BICD2: variants seen among roughly 807,000 people sequenced by gnomAD.
BICD2 encodes BICD cargo adaptor 2, also known as protein bicaudal D homolog 2.
Under a neutral mutation model 72.9 loss-of-function variants are expected in BICD2, and 25 were observed. That is an observed-to-expected ratio of 0.34 (90% confidence interval 0.25 to 0.48). The LOEUF (loss-of-function observed/expected upper bound fraction) is 0.48. Among genes scored for constraint, BICD2 ranks in the 20% least tolerant of loss-of-function variants. The pLI is 0.99. For synonymous variants in BICD2, 501 were observed against 516.1 expected (o/e 0.97, Z 0.40); for missense variants, 894 against 1,175.2 (o/e 0.76, Z 3.50).
At chr9:92,742,456 C>T (rs2131522992) in intron 1 of BICD2, among the ~76,000 whole-genome samples, 1 of 151,198 alleles carries the variant, frequency 6.6e-6, no homozygotes, top group Non-Finnish European at 1.5e-5. Context: ...GCGATCTTGG[C>T]TCACTGCAAG....
rs930777910 is a variant in BICD2 at position 92,723,536 on chromosome 9, G to T, written c.454-728C>A. Among the ~76,000 whole-genome samples the T allele has an allele frequency of 3.9e-5, 6 of 152,298 alleles. No individual in the cohort carries two copies. In the South Asian group the frequency reaches 1.2e-3, roughly 32 times the overall value. ...GCAAATTCATAGAGACACAAAGTAG[G>T]TTAGTGGCTGCCAGGAGCTGGGGAG... On this transcript the variant is annotated intron_variant, in intron 2 of 6. Coordinates refer to ENST00000356884, the MANE Select transcript of BICD2 (RefSeq NM_001003800.2).
chr9:92,716,929 C>A (rs751173119), intron 6 of BICD2, among the ~76,000 whole-genome samples: 3 of 152,240 alleles, frequency 2.0e-5, no homozygotes, highest in African/African-American at 7.2e-5. Context: ...CCCCGGCCCT[C>A]TCCTCACCCT....
In BICD2 at chr9:92,715,148, C is replaced by T. The variant is rs192369618; in HGVS notation, c.*6G>A. 1.3e-6 allele frequency: 2 copies of T among 1,566,472 alleles called. No homozygotes were observed. The highest frequency in any genetic ancestry group is 4.5e-5 in the East Asian group (2 of 44,112). ...GTTAGCTGCAGCGTGCGGCGCCCCA[C>T]AGCCCCTAATCACAGTAAATGCTGT... On this transcript the variant is annotated 3_prime_UTR_variant, in exon 7 of 7. Coordinates refer to ENST00000356884, the MANE Select transcript of BICD2 (RefSeq NM_001003800.2).
At chr9:92,725,289 G>C (rs1434245711) in intron 2 of BICD2, among the ~76,000 whole-genome samples, 1 of 152,226 alleles carries the variant, frequency 6.6e-6, no homozygotes. Context: ...CCAGAACACA[G>C]AGGCACACCC....
rs371559371 is a variant in BICD2 at position 92,764,497 on chromosome 9, C to A, written c.240+8G>T. 1.9e-4 allele frequency: 282 copies of A among 1,506,096 alleles called. No individual in the cohort carries two copies. The African/African-American group carries it at 3.7e-3, about 20-fold the overall frequency. 93.3% of individuals were successfully genotyped at this position (1,506,096 alleles called of 1,614,324 possible). On this transcript the variant is annotated splice_region_variant and intron_variant, in intron 1 of 6. Transcript: ENST00000356884. This position sits in a 1 kb window ranked among gnomAD's most constrained non-coding sequence, Gnocchi z 5.5. ...GCGGGGGTCGCAGGGCAGGGCGGCT[C>A]GGCTCACCTCCTTGAGCTGCTCCAT...
chr9:92,722,990 G>A (rs963819838), intron 2 of BICD2, among the ~76,000 whole-genome samples, 182 bp from the exon 3 acceptor site: 8 of 152,100 alleles, frequency 5.3e-5, no homozygotes, highest in East Asian at 1.9e-4. Context: ...AGTGCACAGC[G>A]GACTGCAGAG....
intron 1 of BICD2, among the ~76,000 whole-genome samples, chr9:92,758,175 C>A (rs1854299823): frequency 6.6e-6 from 1 of 150,618 alleles, no homozygotes; most frequent in Non-Finnish European, 1.5e-5. Flanking sequence ...CTGCACTCCA[C>A]GCTGGGCAAC....
intron 1 of BICD2, among the ~76,000 whole-genome samples, chr9:92,732,348 T>C (rs1015728415): frequency 2.0e-5 from 3 of 152,018 alleles, no homozygotes; most frequent in African/African-American, 4.8e-5. Context: ...CAAGAAGCCT[T>C]ATGTAAGGAG....
chr9:92,722,569 T>G lies in BICD2; in HGVS notation c.606+87A>C, dbSNP rs1587671577. On this transcript the variant is annotated intron_variant, in intron 3 of 6. Transcript: ENST00000356884. ...GTGTGTGGAATAAGACAGGAACCCC[T>G]TCCCAACAGGGAGAGGGGCTGAGCA... 6 of 1,568,584 alleles carry G rather than the reference T, an allele frequency of 3.8e-6. No homozygotes were observed. The East Asian group carries it at 1.4e-4, about 36-fold the overall frequency.
At position 92,715,085 on chromosome 9, in the gene BICD2, C is replaced by G. The variant is rs999368171; in HGVS notation, c.*69G>C. On this transcript the variant is annotated 3_prime_UTR_variant, in exon 7 of 7. Transcript: ENST00000356884. ...CACGTTAAGATTGACCTAGCACCGC[C>G]GTCCCGCTGCTGCTGGGTTAGTTGA... 3.2e-5 allele frequency: 48 copies of G among 1,517,664 alleles called. No homozygotes were observed. The African/African-American group carries it at 6.4e-4, about 20-fold the overall frequency. 94.0% of individuals were successfully genotyped at this position (1,517,664 alleles called of 1,614,324 possible).
rs1170038034 is a variant in BICD2 at position 92,715,296 on chromosome 9, C to A, written c.2426G>T (p.Gly809Val). The stretch of plus-strand genomic sequence containing the variant: ...GGTCTTCGGGGCGGCTTTGGCACGG[C>A]CACGCCGGGTCTGCTCATGGTCCAG... ...LELDHEQTRR[G>V]RAKAAPKTKP... The change falls in exon 7 of 7, where the codon GGC becomes GTC. Residue 809 changes from glycine (G) to valine (V), a missense_variant. Gly to Val is a moderately radical substitution (Grantham distance 109). This residue lies in a region of BICD2 where 321 missense variants were observed against 443.9 expected (regional missense o/e 0.72). Coordinates refer to ENST00000356884, the MANE Select transcript of BICD2 (RefSeq NM_001003800.2). 3 of 1,612,774 alleles carry A rather than the reference C, an allele frequency of 1.9e-6. No homozygotes were observed. The highest frequency in any genetic ancestry group is 2.5e-6 in the Non-Finnish European group (3 of 1,179,832).
chr9:92,761,408 C>A (rs1182706253), intron 1 of BICD2, among the ~76,000 whole-genome samples: 3 of 152,214 alleles, frequency 2.0e-5, no homozygotes, highest in African/African-American at 7.2e-5. Flanking sequence ...CCCACGTGCA[C>A]CTCTCAGACA....
chr9:92,759,606 T>A (rs10821016), intron 1 of BICD2, among the ~76,000 whole-genome samples: 2 of 151,996 alleles, frequency 1.3e-5, no homozygotes. Context: ...GGCAGCCACA[T>A]TGGGCCCTCT....
At chr9:92,733,609 A>G (rs1406867133) in intron 1 of BICD2, among the ~76,000 whole-genome samples, 2 of 152,180 alleles carry the variant, frequency 1.3e-5, no homozygotes, top group Non-Finnish European at 2.9e-5. Flanking sequence ...CCTACCTCAC[A>G]TTATACACAA....
At chr9:92,735,946 C>A (rs907337213) in intron 1 of BICD2, among the ~76,000 whole-genome samples, 3 of 152,178 alleles carry the variant, frequency 2.0e-5, no homozygotes, top group African/African-American at 7.2e-5. Context: ...CTGCCCACAT[C>A]CAGACTCCAT....
At chr9:92,742,643 A>G (rs1386068859) in intron 1 of BICD2, among the ~76,000 whole-genome samples, 2 of 151,902 alleles carry the variant, frequency 1.3e-5, no homozygotes, top group Non-Finnish European at 2.9e-5. Flanking sequence ...TCGACCTCCC[A>G]AAGTGCTGGG....
intron 1 of BICD2, among the ~76,000 whole-genome samples, chr9:92,731,020 G>A (rs1013393769): frequency 2.6e-5 from 4 of 152,290 alleles, no homozygotes; most frequent in Non-Finnish European, 5.9e-5. Context: ...CAGCCACCCC[G>A]GGCCACAAGA....
At chr9:92,721,859 A>G (rs1853470434) in intron 3 of BICD2, among the ~76,000 whole-genome samples, 1 of 152,236 alleles carries the variant, frequency 6.6e-6, no homozygotes, top group Admixed American at 6.5e-5. Flanking sequence ...ACTGTTAATG[A>G]GCTCGAGCTG....
intron 1 of BICD2, among the ~76,000 whole-genome samples, chr9:92,762,106 G>A (rs74349721): frequency 1.4e-3 from 209 of 152,236 alleles, no homozygotes; most frequent in African/African-American, 4.6e-3. Flanking sequence ...AACTCCATTT[G>A]GAGCACAATT....
Sources: allele counts gnomAD v4.1 joint callset (sites outside exome capture counted in the v4.1 genomes callset), GRCh38; gene constraint gnomAD v4.1.1; regional missense constraint gnomAD v4.1.1; non-coding constraint Gnocchi (gnomAD v3.1); transcripts MANE v1.5; gene names NCBI Gene and HGNC (gene_info 2026-07-23, HGNC 2026-07-21).